The following GPR83 variants were observed in gnomAD, a reference collection of about 807,000 sequenced individuals.
GPR83 encodes the protein G protein-coupled receptor 83.
GPR83 carries 23 observed loss-of-function variants against 28.0 expected under a neutral mutation model. The observed-to-expected ratio is 0.82, with a 90% CI of 0.59 to 1.16. The LOEUF (loss-of-function observed/expected upper bound fraction) is 1.16. GPR83 is among the 50% of genes most tolerant of loss of function. The pLI, the probability that GPR83 is intolerant of heterozygous loss-of-function variation, is 0.00. For synonymous variants in GPR83, 234 were observed against 215.4 expected (o/e 1.09, Z -0.76); for missense variants, 610 against 536.6 (o/e 1.14, Z -1.35).
At chr11:94,384,998 A>G (rs905811568) in intron 3 of GPR83, among the ~76,000 whole-genome samples, 1 of 152,102 alleles carries the variant, frequency 6.6e-6, no homozygotes, top group Non-Finnish European at 1.5e-5. Context: ...CTGAGACAAA[A>G]CTTCCAGAGG....
intron 2 of GPR83, among the ~76,000 whole-genome samples, chr11:94,394,994 A>G (rs1944852721): frequency 1.3e-5 from 2 of 152,200 alleles, no homozygotes; most frequent in Admixed American, 6.5e-5. Flanking sequence ...ATTAAGGGAG[A>G]TGGTTAAGAA....
At position 94,401,099 on chromosome 11, in the gene GPR83, GAGA is replaced by G; in HGVS notation, c.146_148del (p.Phe49del). The G allele has an allele frequency of 1.9e-6, 3 of 1,614,254 alleles. No individual in the cohort carries two copies. The highest frequency in any genetic ancestry group is 1.7e-6 in the Non-Finnish European group (2 of 1,180,044). On this transcript the variant is annotated inframe_deletion, in exon 1 of 4. Coordinates refer to ENST00000243673, the MANE Select transcript of GPR83 (RefSeq NM_016540.4). ...CCTGCCCACAAAGTTCTGCCAGTCGGAGAAGGTGTAGTTGTTCCAAGAGAAGAA... is the reference window on the plus strand; with the variant it reads ...CCTGCCCACAAAGTTCTGCCAGTCGGAGGTGTAGTTGTTCCAAGAGAAGAA...
In GPR83 at chr11:94,398,769, G is replaced by A. The variant is rs143875668; in HGVS notation, c.387+2092C>T. Among the ~76,000 whole-genome samples the A allele has an allele frequency of 2.6e-3, 391 of 152,306 alleles. 2 individuals are homozygous for A. The highest frequency in any genetic ancestry group is 8.9e-3 in the African/African-American group (371 of 41,566). ...AGGCAAAGGCAGGGATGCCTTTCCCGATGGGGGAGCCTGTGCTGAGTAAGG... is the reference window on the plus strand; with the variant it reads ...AGGCAAAGGCAGGGATGCCTTTCCCAATGGGGGAGCCTGTGCTGAGTAAGG... On this transcript the variant is annotated intron_variant, in intron 1 of 3. Coordinates refer to ENST00000243673, the MANE Select transcript of GPR83 (RefSeq NM_016540.4).
chr11:94,396,374 G>C, intron 2 of GPR83, 25 bp downstream of exon 2: 1 of 1,610,252 alleles, frequency 6.2e-7, no homozygotes. Context: ...GGGAAGAGCA[G>C]AGCATTAGGG....
intron 1 of GPR83, 40 bp downstream of exon 1, chr11:94,400,821 C>G (rs754369605): frequency 1.9e-6 from 3 of 1,593,604 alleles, no homozygotes; most frequent in Admixed American, 1.7e-5. Flanking sequence ...GAAAGGGAGA[C>G]GAAGACAGAA....
chr11:94,400,886 G>C lies in GPR83; in HGVS notation c.362C>G (p.Thr121Arg). The change falls in exon 1 of 4, where the codon ACG becomes AGG. Residue 121 changes from threonine (T) to arginine (R), a missense_variant. Physicochemically the swap from Thr to Arg is moderately conservative, Grantham distance 71. Coordinates refer to ENST00000243673, the MANE Select transcript of GPR83 (RefSeq NM_016540.4). Reference protein sequence around the residue: ...VNLAVADIMITLLNTPFTLVR... With the variant: ...VNLAVADIMIRLLNTPFTLVR... ...CAAAGTGAAGGGGGTGTTGAGCAGC[G>C]TGATCATTATGTCGGCAACTGCCAG... 6.2e-7 allele frequency: 1 copy of C among 1,614,158 alleles called. No individual in the cohort carries two copies. Among genetic ancestry groups the C allele is most frequent in the Non-Finnish European group, 8.5e-7 (1 of 1,179,996 alleles).
At chr11:94,394,036 A>G (rs982827130) in intron 2 of GPR83, among the ~76,000 whole-genome samples, 3 of 152,132 alleles carry the variant, frequency 2.0e-5, no homozygotes, top group Admixed American at 6.5e-5. Flanking sequence ...GGGGCAGGTC[A>G]TCTGCCCCGC....
chr11:94,400,770 G>A, intron 1 of GPR83, 91 bp downstream of exon 1: 1 of 1,172,510 alleles, frequency 8.5e-7, no homozygotes, highest in Non-Finnish European at 1.2e-6. Context: ...GACCCACAGG[G>A]AGACGCAGAA....
rs1250736302 is a variant in GPR83 at position 94,400,983 on chromosome 11, T to C, written c.265A>G (p.Asn89Asp). 2 of 1,614,138 alleles carry C rather than the reference T, an allele frequency of 1.2e-6. No individual in the cohort carries two copies. Among genetic ancestry groups the C allele is most frequent in the Admixed American group, 1.7e-5 (1 of 60,028 alleles). Residue 89 changes from asparagine (N) to aspartate (D), a missense_variant, in exon 1 of 4, where the codon AAC becomes GAC. Transcript: ENST00000243673. ...SFIIVFSLFG[N>D]VLVCHVIFKN... ...AAGATGACATGACAGACCAGGACGTTGCCAAAGAGTGAGAAGACAATGATG... is the reference window on the plus strand; with the variant it reads ...AAGATGACATGACAGACCAGGACGTCGCCAAAGAGTGAGAAGACAATGATG...
At chr11:94,383,365 T>A (rs778844489) in intron 3 of GPR83, among the ~76,000 whole-genome samples, 17 of 152,110 alleles carry the variant, frequency 1.1e-4, no homozygotes, top group Non-Finnish European at 4.4e-5. Context: ...TAGCACTAAG[T>A]GCCCACAAGA....
In GPR83 at chr11:94,378,937, C is replaced by T. The variant is rs928188074; in HGVS notation, c.*1212G>A. On this transcript the variant is annotated 3_prime_UTR_variant, in exon 4 of 4. Coordinates refer to ENST00000243673, the MANE Select transcript of GPR83 (RefSeq NM_016540.4). ...GCCAGGCCCTTCCCACCACTGTCTACAATAGGGGGCAGTTCTGTCTGCGTG... is the reference window on the plus strand; with the variant it reads ...GCCAGGCCCTTCCCACCACTGTCTATAATAGGGGGCAGTTCTGTCTGCGTG... 5.3e-5 allele frequency: 8 copies of T among 152,150 alleles called. No homozygotes were observed. The highest frequency in any genetic ancestry group is 1.0e-4 in the Non-Finnish European group (7 of 68,064). The allele number at this position is 152,150 out of a possible 1,614,324, so 9.4% of individuals were successfully genotyped here.
At chr11:94,391,893 A>G (rs10831219) in intron 3 of GPR83, among the ~76,000 whole-genome samples, 12,468 of 152,230 alleles carry the variant, frequency 0.082, 592 homozygotes, top group South Asian at 0.19. Flanking sequence ...AATTAGTTCA[A>G]CCATTGTGGA....
rs1591599846 is a variant in GPR83, at chr11:94,380,722, G to A, written c.699C>T (p.Asp233=). Reference sequence around the variant, plus strand: ...CCAAGTCCAGGTACTTCCAGAAGAGGTCAGCTGGCTCAGGGAAGTCTGGCA... The same window carrying A: ...CCAAGTCCAGGTACTTCCAGAAGAGATCAGCTGGCTCAGGGAAGTCTGGCA... ...LCLPDFPEPA[D]LFWKYLDLAT... is the part of the protein sequence containing the mutation. The change falls in exon 4 of 4, where the codon GAC becomes GAT. Residue 233 remains aspartate, a synonymous_variant. Transcript: ENST00000243673. The A allele has an allele frequency of 6.2e-7, 1 of 1,612,768 alleles. No homozygotes were observed. The highest frequency in any genetic ancestry group is 8.5e-7 in the Non-Finnish European group (1 of 1,179,866).
At position 94,396,440 on chromosome 11, in the gene GPR83, A is replaced by G; in HGVS notation, c.472T>C (p.Ser158Pro). The G allele has an allele frequency of 6.2e-7, 1 of 1,614,048 alleles. No homozygotes were observed. The highest frequency in any genetic ancestry group is 8.5e-7 in the Non-Finnish European group (1 of 1,179,896). The change falls in exon 2 of 4, where the codon TCA (serine) becomes CCA (proline). Residue 158 changes from serine (S) to proline (P), a missense_variant. By Grantham distance (74) the Ser-to-Pro change is moderately conservative (BLOSUM62 -1). Transcript: ENST00000243673. ...RFAQYCSLHV[S>P]ALTLTAIAVD... The stretch of plus-strand genomic sequence containing the variant: ...GCAATGGCTGTCAGTGTCAGTGCTG[A>G]GACGTGCAGTGAGCAGTACTGGGCA...
At chr11:94,400,795 C>A in intron 1 of GPR83, 66 bp downstream of exon 1, 2 of 1,498,874 alleles carry the variant, frequency 1.3e-6, no homozygotes, top group African/African-American at 2.7e-5. Context: ...AGAGGGAGGC[C>A]AGAGAACTGA....
At position 94,401,252 on chromosome 11, in the gene GPR83, C is replaced by T; in HGVS notation, c.-5G>A. 6.3e-7 allele frequency: 1 copy of T among 1,591,226 alleles called. No homozygotes were observed. The highest frequency in any genetic ancestry group is 8.5e-7 in the Non-Finnish European group (1 of 1,170,142). ...CAGCAAGAGGTGAGGGACCATTTTGCAGGAGCCACCCCTCCCCTGGGAGCC... is the reference window on the plus strand; with the variant it reads ...CAGCAAGAGGTGAGGGACCATTTTGTAGGAGCCACCCCTCCCCTGGGAGCC... On this transcript the variant is annotated 5_prime_UTR_variant, in exon 1 of 4. Transcript: ENST00000243673.
chr11:94,401,177 G>T lies in GPR83; in HGVS notation c.71C>A (p.Ala24Asp). The change falls in exon 1 of 4, where the codon GCC becomes GAC. Residue 24 changes from alanine (A) to aspartate (D), a missense_variant. Transcript: ENST00000243673. ...VRATEPHEGR[A>D]DEQSAEAALA... Reference sequence around the variant, plus strand: ...GGCCGCCTCCGCGCTCTGCTCGTCGGCCCGGCCCTCGTGGGGCTCGGTGGC... The same window carrying T: ...GGCCGCCTCCGCGCTCTGCTCGTCGTCCCGGCCCTCGTGGGGCTCGGTGGC... The T allele has an allele frequency of 1.2e-6, 2 of 1,613,730 alleles. No individual in the cohort carries two copies. The highest frequency in any genetic ancestry group is 1.1e-5 in the South Asian group (1 of 91,054).
At chr11:94,394,638 A>C (rs986559812) in intron 2 of GPR83, among the ~76,000 whole-genome samples, 7 of 152,000 alleles carry the variant, frequency 4.6e-5, no homozygotes, top group Admixed American at 4.6e-4. Flanking sequence ...CTTTTTTTTA[A>C]TTCCTCCCAA....
Position 94,401,181 on chromosome 11 carries a change from G to C in GPR83, c.67C>G (p.Arg23Gly), listed in dbSNP as rs751200450. The change falls in exon 1 of 4, where the codon CGG (arginine) becomes GGG (glycine). Residue 23 changes from arginine (R) to glycine (G), a missense_variant. Transcript: ENST00000243673. The part of the protein sequence containing the change: ...LVRATEPHEG[R>G]ADEQSAEAAL... ...GCCTCCGCGCTCTGCTCGTCGGCCCGGCCCTCGTGGGGCTCGGTGGCTCGC... is the reference window on the plus strand; with the variant it reads ...GCCTCCGCGCTCTGCTCGTCGGCCCCGCCCTCGTGGGGCTCGGTGGCTCGC... 1.2e-6 allele frequency: 2 copies of C among 1,613,486 alleles called. No individual in the cohort carries two copies. Among genetic ancestry groups the C allele is most frequent in the Admixed American group, 1.7e-5 (1 of 59,972 alleles).
Sources: allele counts gnomAD v4.1 joint callset (sites outside exome capture counted in the v4.1 genomes callset), GRCh38; gene constraint gnomAD v4.1.1; transcripts MANE v1.5; gene names NCBI Gene and HGNC (gene_info 2026-07-23, HGNC 2026-07-21).